The following NECAP1 variants were observed in gnomAD, a reference collection of about 807,000 sequenced individuals.
NECAP1 encodes the protein adaptin ear-binding coat-associated protein 1.
NECAP1 carries 13 observed loss-of-function variants against 33.4 expected under a neutral mutation model. The ratio of observed to expected loss-of-function variants is 0.39; its 90% CI spans 0.25 to 0.62. The LOEUF is 0.62. Ranked by LOEUF, NECAP1 falls within the 20% of genes least tolerant of loss-of-function variation. NECAP1 has a pLI of 0.52. For synonymous variants in NECAP1, 109 were observed against 125.2 expected (o/e 0.87, Z 0.86); for missense variants, 272 against 347.4 (o/e 0.78, Z 1.73).
rs75036910 is a variant in NECAP1 at position 8,087,622 on chromosome 12, C to T, written c.96-2314C>T. Reference sequence around the variant, plus strand: ...CACTGCAACCTCAAATTCTTAGGCTCAGGCAGTCCTCCTGCCTTGGCCTCC... The same window carrying T: ...CACTGCAACCTCAAATTCTTAGGCTTAGGCAGTCCTCCTGCCTTGGCCTCC... On this transcript the variant is annotated intron_variant, in intron 1 of 7. Transcript: ENST00000339754. 3.6e-4 allele frequency among the ~76,000 whole-genome samples: 54 copies of T among 151,478 alleles called. No homozygotes were observed. The East Asian group carries it at 0.011, about 29-fold the overall frequency.
chr12:8,096,204 C>G lies in NECAP1; in HGVS notation c.*114C>G. ...CCTCCCCAGAACCAGAATGACTGGA[C>G]AATCTTTTTCATAGCTTCTCCATCA... On this transcript the variant is annotated 3_prime_UTR_variant, in exon 8 of 8. Transcript: ENST00000339754. 1 of 1,021,658 alleles carries G rather than the reference C, an allele frequency of 9.8e-7. No homozygotes were observed. Among genetic ancestry groups the G allele is most frequent in the Non-Finnish European group, 1.4e-6 (1 of 690,956 alleles). The allele number at this position is 1,021,658 out of a possible 1,614,324, so 63.3% of individuals were successfully genotyped here.
chr12:8,084,484 A>T (rs1292647733), intron 1 of NECAP1, among the ~76,000 whole-genome samples: 2 of 151,706 alleles, frequency 1.3e-5, no homozygotes, highest in Non-Finnish European at 1.5e-5. Flanking sequence ...CAGAATGTGC[A>T]GGTTTGTTAC....
At position 8,095,409 on chromosome 12, in the gene NECAP1, C is replaced by T. The variant is rs375804928; in HGVS notation, c.677-192C>T. The T allele has an allele frequency of 1.7e-4, 64 of 378,604 alleles. 1 individual carries two copies. The highest frequency in any genetic ancestry group is 1.1e-3 in the South Asian group (51 of 44,940). 23.5% of individuals were successfully genotyped at this position (378,604 alleles called of 1,614,324 possible). Reference sequence around the variant, plus strand: ...GACTACAGGCGCCCGCCACCGCGCCCGGCTAATTTTTTGTATTTTTAGTAG... The same window carrying T: ...GACTACAGGCGCCCGCCACCGCGCCTGGCTAATTTTTTGTATTTTTAGTAG... On this transcript the variant is annotated intron_variant, in intron 6 of 7. Transcript: ENST00000339754.
intron 3 of NECAP1, 48 bp from the exon 4 acceptor site, chr12:8,091,721 C>T (rs142315811): frequency 2.0e-4 from 319 of 1,574,168 alleles, no homozygotes; most frequent in Non-Finnish European, 2.6e-4. Context: ...TTGGGGGCTC[C>T]TGCCATAGAG....
At position 8,090,180 on chromosome 12, in the gene NECAP1, T is replaced by A. The variant is rs753022217; in HGVS notation, c.197-15T>A. 2 of 1,613,718 alleles carry A rather than the reference T, an allele frequency of 1.2e-6. No individual in the cohort carries two copies. Among genetic ancestry groups the A allele is most frequent in the East Asian group, 4.5e-5 (2 of 44,866 alleles). On this transcript the variant is annotated splice_polypyrimidine_tract_variant and intron_variant, in intron 2 of 7. Coordinates refer to ENST00000339754, the MANE Select transcript of NECAP1 (RefSeq NM_015509.4). The stretch of plus-strand genomic sequence containing the variant: ...GGCTTGCTTTACTCAAAAAAGTCTT[T>A]CTCTTATCTGTCAGGGGAGCTCTTT...
intron 1 of NECAP1, among the ~76,000 whole-genome samples, chr12:8,085,180 C>T (rs775884027): frequency 4.6e-5 from 7 of 152,212 alleles, no homozygotes; most frequent in South Asian, 2.1e-4. Context: ...CCACTATGCC[C>T]AGCTAATTTT....
chr12:8,093,728 AAAAC>A (rs1246754493), intron 6 of NECAP1: 6 of 152,334 alleles, frequency 3.9e-5, no homozygotes, highest in African/African-American at 1.4e-4. Context: ...GTCTCATAAA[AAAAC>A]AAAGAAACAA....
In NECAP1 at chr12:8,096,342, T is replaced by G; in HGVS notation, c.*252T>G. 2.4e-6 allele frequency: 1 copy of G among 423,454 alleles called. No homozygotes were observed. The allele number at this position is 423,454 out of a possible 1,614,324, so 26.2% of individuals were successfully genotyped here. On this transcript the variant is annotated 3_prime_UTR_variant, in exon 8 of 8. Coordinates refer to ENST00000339754, the MANE Select transcript of NECAP1 (RefSeq NM_015509.4). The stretch of plus-strand genomic sequence containing the variant: ...GGGACTAGTGGATCTTATCATAGTT[T>G]TGGCTGACTATGCAGGGCTTAAAAG...
At chr12:8,084,991 A>G (rs10492105) in intron 1 of NECAP1, among the ~76,000 whole-genome samples, 1 of 151,852 alleles carries the variant, frequency 6.6e-6, no homozygotes, top group Non-Finnish European at 1.5e-5. Flanking sequence ...GATATGATAC[A>G]TATTGAAGTG....
intron 7 of NECAP1, 67 bp from the exon 8 acceptor site, chr12:8,095,975 T>G (rs756547077): frequency 1.3e-6 from 2 of 1,571,710 alleles, no homozygotes; most frequent in East Asian, 2.3e-5. Flanking sequence ...TAGAAACTAT[T>G]AAGTAAAGAA....
chr12:8,091,601 G>A, intron 3 of NECAP1, 168 bp from the exon 4 acceptor site: 1 of 612,996 alleles, frequency 1.6e-6, no homozygotes, highest in Non-Finnish European at 2.9e-6. Flanking sequence ...AGGTGGTCAT[G>A]CAAGTGACGG....
intron 1 of NECAP1, among the ~76,000 whole-genome samples, chr12:8,085,201 G>C (rs1947476063): frequency 6.6e-6 from 1 of 152,142 alleles, no homozygotes; most frequent in African/African-American, 2.4e-5. Context: ...TGTATATTTA[G>C]TAGAGACGGG....
Position 8,082,639 on chromosome 12 carries a change from C to T in NECAP1, c.95+256C>T, listed in dbSNP as rs1947450692. On this transcript the variant is annotated intron_variant, in intron 1 of 7. Coordinates refer to ENST00000339754, the MANE Select transcript of NECAP1 (RefSeq NM_015509.4). Reference sequence around the variant, plus strand: ...CTGCGTTATTCCACTCTGCCTCTCCCGTAATCCCCTGGGGCACCCATCTGC... The same window carrying T: ...CTGCGTTATTCCACTCTGCCTCTCCTGTAATCCCCTGGGGCACCCATCTGC... 3 of 449,766 alleles carry T rather than the reference C, an allele frequency of 6.7e-6. No homozygotes were observed. In the East Asian group the frequency reaches 1.1e-4, roughly 16 times the overall value. The allele number at this position is 449,766 out of a possible 1,614,324, so 27.9% of individuals were successfully genotyped here.
At chr12:8,092,496 G>T in intron 4 of NECAP1, 180 bp from the exon 5 acceptor site, 1 of 562,888 alleles carries the variant, frequency 1.8e-6, no homozygotes. Context: ...AGAGTCCCCA[G>T]TGGAATTGAA....
intron 4 of NECAP1, 67 bp downstream of exon 4, chr12:8,091,917 G>A: frequency 7.7e-7 from 1 of 1,301,832 alleles, no homozygotes; most frequent in Non-Finnish European, 1.1e-6. Flanking sequence ...CACATGAATG[G>A]GCAGTATCTC....
intron 7 of NECAP1, 151 bp from the exon 8 acceptor site, chr12:8,095,891 A>T (rs1332848232): frequency 8.8e-7 from 1 of 1,136,704 alleles, no homozygotes; most frequent in Non-Finnish European, 1.3e-6. Context: ...ATGAGGTTTG[A>T]GTGGGATATT....
chr12:8,092,752 A>G lies in NECAP1; in HGVS notation c.460A>G (p.Lys154Glu), dbSNP rs1262779939. 6.2e-7 allele frequency: 1 copy of G among 1,613,868 alleles called. No homozygotes were observed. The highest frequency in any genetic ancestry group is 8.5e-7 in the Non-Finnish European group (1 of 1,179,876). The change falls in exon 5 of 8, where the codon AAG (lysine) becomes GAG (glutamate). Residue 154 changes from lysine (K) to glutamate (E), a missense_variant. Coordinates refer to ENST00000339754, the MANE Select transcript of NECAP1 (RefSeq NM_015509.4). ...DARPKLDLGF[K>E]EGQTIKLCIG... ...TCGTCCTAAGTTGGATCTGGGCTTC[A>G]AGGAAGGACAAACCATCAAGTTGTG...
intron 1 of NECAP1, 25 bp from the exon 2 acceptor site, chr12:8,089,911 G>A (rs369217341): frequency 6.4e-6 from 10 of 1,569,514 alleles, no homozygotes; most frequent in Non-Finnish European, 8.8e-6. Context: ...ACATGTGCCT[G>A]AGGCTTCCTC....
In NECAP1 at chr12:8,091,774, A is replaced by G. The variant is rs1947547212; in HGVS notation, c.307A>G (p.Ser103Gly). ...TCTTCCTACGTTTTCCACAGGGCGC[A>G]GTGCTTTCATTGGCATTGGCTTCAC... ...VIRIQDGTGR[S>G]AFIGIGFTDR... Residue 103 changes from serine to glycine, a missense_variant, in exon 4 of 8, where the codon AGT (serine) becomes GGT (glycine). Transcript: ENST00000339754. The G allele has an allele frequency of 1.2e-6, 2 of 1,614,020 alleles. No homozygotes were observed. The highest frequency in any genetic ancestry group is 8.5e-7 in the Non-Finnish European group (1 of 1,179,992).
Sources: gnomAD v4.1 joint callset for allele counts (sites outside exome capture counted in the v4.1 genomes callset) on GRCh38, gnomAD v4.1.1 for gene constraint, MANE v1.5 for transcripts, NCBI Gene and HGNC (gene_info 2026-07-23, HGNC 2026-07-21) for gene names.